TTC29: variants seen among roughly 807,000 people sequenced by gnomAD.
TTC29 encodes tetratricopeptide repeat protein 29.
TTC29 carries 49 observed loss-of-function variants against 58.1 expected under a neutral mutation model. The ratio of observed to expected loss-of-function variants is 0.84; its 90% CI spans 0.67 to 1.07. The LOEUF (loss-of-function observed/expected upper bound fraction) is 1.07, where lower values mean the gene tolerates loss of function less well. Among genes scored for constraint, TTC29 ranks in the 50% least tolerant of loss-of-function variants. The pLI is 0.00. For synonymous variants in TTC29, 209 were observed against 196.8 expected, an observed-to-expected ratio of 1.06 and a Z score of -0.52; for missense variants, 582 against 555.6, an observed-to-expected ratio of 1.05 and a Z score of -0.48.
In TTC29 at chr4:146,728,827, A is replaced by ACATATATATGTGTATATATACG. The variant is rs1579539140; in HGVS notation, c.1331-21277_1331-21276insCGTATATATACACATATATATG. ...TACACATATATATGTGTATATATAC[A>ACATATATATGTGTATATATACG]TATATATACACATATATATGTATAT... On this transcript the variant is annotated intron_variant, in intron 11 of 12. Transcript: ENST00000325106. Among the ~76,000 whole-genome samples the ACATATATATGTGTATATATACG allele has an allele frequency of 2.2e-4, 15 of 67,792 alleles. 3 individuals carry two copies. Among genetic ancestry groups the ACATATATATGTGTATATATACG allele is most frequent in the Non-Finnish European group, 4.5e-4 (14 of 31,078 alleles). 44.5% of individuals were successfully genotyped at this position (67,792 alleles called of 152,430 possible). A position where few individuals can be genotyped will look rare whatever the true frequency, so the allele number is the denominator to read the frequency against.
chr4:146,937,176 T>A (rs546492494), intron 4 of TTC29, among the ~76,000 whole-genome samples: 164 of 152,198 alleles, frequency 1.1e-3, no homozygotes, highest in African/African-American at 3.9e-3. Flanking sequence ...GGTTCTTTTG[T>A]GAGTGCTTGG....
chr4:146,713,287 T>TTCTTCC (rs1554003627), intron 11 of TTC29, among the ~76,000 whole-genome samples: 1 of 149,962 alleles, frequency 6.7e-6, no homozygotes, highest in African/African-American at 2.5e-5. Flanking sequence ...TTTATTCGTT[T>TTCTTCC]TCCTCCTCCT....
intron 8 of TTC29, among the ~76,000 whole-genome samples, chr4:146,856,080 A>G (rs1378419820): frequency 2.0e-5 from 3 of 152,124 alleles, no homozygotes; most frequent in African/African-American, 7.3e-5. Context: ...TAAGGAGTAT[A>G]CATACATTAT....
intron 11 of TTC29, among the ~76,000 whole-genome samples, chr4:146,767,679 T>C (rs1336793075): frequency 6.6e-6 from 1 of 152,050 alleles, no homozygotes; most frequent in African/African-American, 2.4e-5. Context: ...CTCAAGTAAG[T>C]TTCTCAAGGA....
intron 2 of TTC29, among the ~76,000 whole-genome samples, chr4:146,940,374 AGAT>A (rs1736266668): frequency 6.6e-6 from 1 of 152,256 alleles, no homozygotes; most frequent in Non-Finnish European, 1.5e-5. Context: ...TAGATGTGAT[AGAT>A]GATAAGAACA....
rs759094700 is a variant in TTC29 at position 146,833,892 on chromosome 4, A to C, written c.891T>G (p.Leu297=). 13 of 1,611,406 alleles carry C rather than the reference A, an allele frequency of 8.1e-6. No individual in the cohort carries two copies. The South Asian group carries it at 1.3e-4, about 16-fold the overall frequency. The change falls in exon 9 of 13, where the codon CTT becomes CTG. Residue 297 remains leucine (L), a synonymous_variant. Transcript: ENST00000325106. ...AEEYETALTV[L]DTYCKISTDL... is the part of the protein sequence containing the mutation. ...CTGTGGAGATTTTACAGTAAGTGTC[A>C]AGGACCTATCAGGAAGAGAAATACA...
At chr4:146,887,454 G>A (rs1370783384) in intron 6 of TTC29, among the ~76,000 whole-genome samples, 1 of 152,010 alleles carries the variant, frequency 6.6e-6, no homozygotes, top group Non-Finnish European at 1.5e-5. Flanking sequence ...GTTTATTTGT[G>A]TAGAGTATGA....
chr4:146,938,352 A>C (rs1736041849), intron 3 of TTC29, among the ~76,000 whole-genome samples: 1 of 152,172 alleles, frequency 6.6e-6, no homozygotes, highest in African/African-American at 2.4e-5. Context: ...ATGTTGATAC[A>C]AACTTTGCCT....
rs1365118114 is a variant in TTC29 at position 146,886,072 on chromosome 4, C to T, written c.587-11144G>A. ...TACTAAATCTGTATTATATATAATG[C>T]ATATAAAGTTAATTTTTCTCTTTTT... is the stretch of plus-strand genomic sequence containing the variant. On this transcript the variant is annotated intron_variant, in intron 6 of 12. Coordinates refer to ENST00000325106, the MANE Select transcript of TTC29 (RefSeq NM_031956.4). Among the ~76,000 whole-genome samples, 3 of 152,032 alleles carry T rather than the reference C, an allele frequency of 2.0e-5. No individual in the cohort carries two copies. The East Asian group carries it at 5.8e-4, about 29-fold the overall frequency.
Position 146,908,893 on chromosome 4 carries a change from T to G in TTC29, c.400+133A>C, listed in dbSNP as rs1733703462. 10 of 765,420 alleles carry G rather than the reference T, an allele frequency of 1.3e-5. No homozygotes were observed. The South Asian group carries it at 1.8e-4, about 14-fold the overall frequency. The allele number at this position is 765,420 out of a possible 1,614,324, so 47.4% of individuals were successfully genotyped here. On this transcript the variant is annotated intron_variant, in intron 5 of 12. Coordinates refer to ENST00000325106, the MANE Select transcript of TTC29 (RefSeq NM_031956.4). ...CCCTTTCCTTAATTCCATAAAGACG[T>G]TTAATTGACTGGGTTGAAGTGTGCT...
At chr4:146,833,959 T>C in intron 8 of TTC29, 62 bp from the exon 9 acceptor site, 1 of 1,153,404 alleles carries the variant, frequency 8.7e-7, no homozygotes, top group East Asian at 2.5e-5. Flanking sequence ...ATGTTTCATT[T>C]CATAACAGAA....
At chr4:146,879,100 G>A (rs951267154) in intron 6 of TTC29, among the ~76,000 whole-genome samples, 10 of 152,052 alleles carry the variant, frequency 6.6e-5, no homozygotes, top group South Asian at 2.1e-4. Context: ...AAAGTATTTG[G>A]TGGCAGTAAA....
chr4:146,842,390 C>T (rs930652939), intron 8 of TTC29, among the ~76,000 whole-genome samples: 1 of 152,082 alleles, frequency 6.6e-6, no homozygotes, highest in African/African-American at 2.4e-5. Context: ...TTGTGACAGT[C>T]CTCCCAATAG....
chr4:146,734,326 C>A (rs1744558229), intron 11 of TTC29, among the ~76,000 whole-genome samples: 1 of 152,110 alleles, frequency 6.6e-6, no homozygotes, highest in South Asian at 2.1e-4. Flanking sequence ...GAGGATGGTG[C>A]ACCCAGGGAG....
rs186513388 is a variant in TTC29 at position 146,816,581 on chromosome 4, C to T, written c.1101+3544G>A. 4.0e-5 allele frequency among the ~76,000 whole-genome samples: 6 copies of T among 151,114 alleles called. No homozygotes were observed. The South Asian group carries it at 8.4e-4, about 21-fold the overall frequency. Reference sequence around the variant, plus strand: ...GGGGTCAGAGAGCAAGGAGGAGGGACGAGAAGGAAGGATGCAGGACAGGAG... The same window carrying T: ...GGGGTCAGAGAGCAAGGAGGAGGGATGAGAAGGAAGGATGCAGGACAGGAG... On this transcript the variant is annotated intron_variant, in intron 10 of 12. Transcript: ENST00000325106.
intron 4 of TTC29, among the ~76,000 whole-genome samples, chr4:146,931,179 C>T (rs1024920517): frequency 1.4e-5 from 2 of 140,626 alleles, no homozygotes; most frequent in African/African-American, 5.2e-5. Flanking sequence ...CCTGTCTCTA[C>T]AAAAAAAAAA....
intron 9 of TTC29, among the ~76,000 whole-genome samples, chr4:146,824,874 C>T (rs750821149): frequency 6.6e-6 from 1 of 152,076 alleles, no homozygotes; most frequent in Non-Finnish European, 1.5e-5. Flanking sequence ...TCTAGATTTT[C>T]TAGTTTATTT....
chr4:146,876,407 C>G (rs541987036), intron 6 of TTC29, among the ~76,000 whole-genome samples: 2 of 152,258 alleles, frequency 1.3e-5, no homozygotes, highest in African/African-American at 4.8e-5. Flanking sequence ...AACATCATGA[C>G]ATATTAAATT....
intron 11 of TTC29, among the ~76,000 whole-genome samples, chr4:146,708,311 TA>T (rs1742147376): frequency 2.1e-4 from 2 of 9,412 alleles, no homozygotes; most frequent in Non-Finnish European, 4.2e-4. Flanking sequence ...GGGAAGTTTA[TA>T]TATATATATA....
Sources: gnomAD v4.1 joint callset for allele counts (sites outside exome capture counted in the v4.1 genomes callset) on GRCh38, gnomAD v4.1.1 for gene constraint, MANE v1.5 for transcripts, NCBI Gene and HGNC (gene_info 2026-07-23, HGNC 2026-07-21) for gene names.